Variants in ATP23 observed in about 807,000 individuals in gnomAD.
ATP23 encodes ATP23 metallopeptidase and ATP synthase assembly factor homolog, also known as mitochondrial inner membrane protease ATP23 homolog.
In ATP23, 24 loss-of-function variants were observed where a neutral mutation model predicts 28.5. The observed-to-expected ratio is 0.84, with a 90% CI of 0.61 to 1.18. The LOEUF (loss-of-function observed/expected upper bound fraction) is 1.18, where lower values mean the gene tolerates loss of function less well. Ranked by LOEUF, ATP23 falls within the 50% of genes most tolerant of loss-of-function variation. The pLI, the probability that ATP23 is intolerant of heterozygous loss-of-function variation, is 0.00. For missense variants in ATP23, 274 were observed against 306.4 expected (o/e 0.89, Z 0.79); for synonymous variants, 99 against 108.6 (o/e 0.91, Z 0.55).
intron 4 of ATP23, among the ~76,000 whole-genome samples, chr12:57,952,903 T>C (rs953030600): frequency 2.0e-5 from 3 of 152,208 alleles, no homozygotes; most frequent in Non-Finnish European, 2.9e-5. Context: ...CTGTAGAATC[T>C]ATGTGGGTAG....
chr12:57,955,807 T>C (rs1956861249), intron 5 of ATP23, among the ~76,000 whole-genome samples: 2 of 152,320 alleles, frequency 1.3e-5, no homozygotes, highest in African/African-American at 4.8e-5. Context: ...ATTCCAATGT[T>C]AGTGAATATC....
intron 5 of ATP23, among the ~76,000 whole-genome samples, chr12:57,955,250 A>G (rs1360998642): frequency 6.6e-6 from 1 of 151,176 alleles, no homozygotes; most frequent in Non-Finnish European, 1.5e-5. Flanking sequence ...TTAAAAAAAA[A>G]TCAGTTGATA....
At chr12:57,942,425 A>ATTT (rs35301187) in intron 1 of ATP23, among the ~76,000 whole-genome samples, 6 of 139,140 alleles carry the variant, frequency 4.3e-5, no homozygotes, top group South Asian at 2.3e-4. Flanking sequence ...CCCTAAGTGC[A>ATTT]TTTTTTTTTT....
At chr12:57,951,090 T>C (rs1372958506) in intron 3 of ATP23, among the ~76,000 whole-genome samples, 1 of 152,210 alleles carries the variant, frequency 6.6e-6, no homozygotes, top group Non-Finnish European at 1.5e-5. Flanking sequence ...TTTCTTATTC[T>C]TATAGGGTCC....
rs753088366 is a variant in ATP23 at position 57,941,737 on chromosome 12, C to A, written c.36C>A (p.Pro12=). ...AGAPDERRRG[P]AAGEQLQQQH... ...CTCCGGACGAGCGCCGGCGGGGCCCCGCGGCAGGGGAGCAGCTGCAGCAGC... is the reference window on the plus strand; with the variant it reads ...CTCCGGACGAGCGCCGGCGGGGCCCAGCGGCAGGGGAGCAGCTGCAGCAGC... The change falls in exon 1 of 6, where the codon CCC becomes CCA. Residue 12 remains proline, a synonymous_variant. Transcript: ENST00000300145. 2 of 1,597,946 alleles carry A rather than the reference C, an allele frequency of 1.3e-6. No individual in the cohort carries two copies. The highest frequency in any genetic ancestry group is 1.3e-5 in the African/African-American group (1 of 74,728).
At chr12:57,955,519 C>T (rs1416683284) in intron 5 of ATP23, among the ~76,000 whole-genome samples, 1 of 152,144 alleles carries the variant, frequency 6.6e-6, no homozygotes, top group Non-Finnish European at 1.5e-5. Context: ...ACAGCAAGTA[C>T]AGTTACTGAT....
At chr12:57,948,271 A>T (rs1043119604) in intron 3 of ATP23, among the ~76,000 whole-genome samples, 1 of 151,820 alleles carries the variant, frequency 6.6e-6, no homozygotes, top group Non-Finnish European at 1.5e-5. Flanking sequence ...CTTTTATTTT[A>T]TTATTATTTT....
rs1956703846 is a variant in ATP23, at chr12:57,941,707, G to T, written c.6G>T (p.Ala2=). The change falls in exon 1 of 6, where the codon GCG becomes GCT. Residue 2 remains alanine, a synonymous_variant. Coordinates refer to ENST00000300145, the MANE Select transcript of ATP23 (RefSeq NM_033276.4). The part of the protein sequence containing the change: M[A]GAPDERRRGP... ...CGGCGAGGTCTGCGGGAGGCATGGC[G>T]GGAGCTCCGGACGAGCGCCGGCGGG... The T allele has an allele frequency of 6.2e-7, 1 of 1,603,458 alleles. No homozygotes were observed. The highest frequency in any genetic ancestry group is 8.5e-7 in the Non-Finnish European group (1 of 1,176,016).
rs1956701745 is a variant in ATP23 at position 57,941,574 on chromosome 12, C to T, written c.-128C>T. 2.3e-6 allele frequency: 3 copies of T among 1,302,234 alleles called. No homozygotes were observed. The highest frequency in any genetic ancestry group is 3.1e-5 in the South Asian group (2 of 64,482). The allele number at this position is 1,302,234 out of a possible 1,614,324, so 80.7% of individuals were successfully genotyped here. ...CTCCCGCCTAACGTCTTCAGCCCAG[C>T]CAGGCTGCCCTTCTTCCCTGCGGAG... is the stretch of plus-strand genomic sequence containing the variant. On this transcript the variant is annotated 5_prime_UTR_variant, in exon 1 of 6. Transcript: ENST00000300145.
At chr12:57,942,528 G>A (rs962454233) in intron 1 of ATP23, among the ~76,000 whole-genome samples, 2 of 151,350 alleles carry the variant, frequency 1.3e-5, no homozygotes, top group Non-Finnish European at 2.9e-5. Flanking sequence ...GGTTCACGCC[G>A]TTCTCCTGCC....
At chr12:57,951,495 T>C (rs933524559) in intron 3 of ATP23, among the ~76,000 whole-genome samples, 1 of 152,140 alleles carries the variant, frequency 6.6e-6, no homozygotes, top group Non-Finnish European at 1.5e-5. Context: ...GGTGTGTGAA[T>C]ACGTGTCCTT....
At chr12:57,952,815 G>A (rs142893279) in intron 4 of ATP23, among the ~76,000 whole-genome samples, 3 of 152,276 alleles carry the variant, frequency 2.0e-5, no homozygotes, top group African/African-American at 4.8e-5. Context: ...TCAGAGGAAT[G>A]AGGCCATAAT....
In ATP23 at chr12:57,942,219, T is replaced by C. The variant is rs563477737; in HGVS notation, c.187+331T>C. ...GTAAGGGTGAGGCCAAGTTTTAAAG[T>C]GCCAGCCAGGTTAATTAAGGCACAC... is the stretch of plus-strand genomic sequence containing the variant. On this transcript the variant is annotated intron_variant, in intron 1 of 5. Transcript: ENST00000300145. Among the ~76,000 whole-genome samples, 14 of 152,310 alleles carry C rather than the reference T, an allele frequency of 9.2e-5. No homozygotes were observed. In the South Asian group the frequency reaches 2.7e-3, roughly 29 times the overall value.
chr12:57,957,449 A>G lies in ATP23; in HGVS notation c.*559A>G, dbSNP rs899430821. Among the ~76,000 whole-genome samples the G allele has an allele frequency of 6.6e-6, 1 of 152,134 alleles. No individual in the cohort carries two copies. The highest frequency in any genetic ancestry group is 1.5e-5 in the Non-Finnish European group (1 of 68,026). ...TCTTTTTAATAAAGGCAGTGCTCGA[A>G]TTTTAGCTCCAGATCGACTGCAAGA... On this transcript the variant is annotated 3_prime_UTR_variant, in exon 6 of 6. Transcript: ENST00000300145.
chr12:57,953,143 A>C (rs1332316303), intron 4 of ATP23, among the ~76,000 whole-genome samples: 3 of 152,214 alleles, frequency 2.0e-5, no homozygotes, highest in Non-Finnish European at 4.4e-5. Flanking sequence ...GCATATTCTC[A>C]AAGTGTCTCA....
intron 5 of ATP23, among the ~76,000 whole-genome samples, chr12:57,954,990 A>T (rs1279287707): frequency 6.6e-6 from 1 of 152,068 alleles, no homozygotes; most frequent in Admixed American, 6.5e-5. Context: ...CTTGTGCTGC[A>T]TGTTTTCTGT....
At chr12:57,954,103 G>A (rs779125045) in intron 5 of ATP23, among the ~76,000 whole-genome samples, 25 of 148,814 alleles carry the variant, frequency 1.7e-4, no homozygotes, top group Middle Eastern at 7.2e-3. Flanking sequence ...GCTGAGGCAG[G>A]AGAATCACTT....
At chr12:57,953,463 TAAG>T (rs1278200498) in intron 4 of ATP23, 140 bp from the exon 5 acceptor site, 10 of 670,876 alleles carry the variant, frequency 1.5e-5, no homozygotes, top group African/African-American at 1.3e-4. Flanking sequence ...AAAAGTCCTT[TAAG>T]AAGAAGTGTC....
chr12:57,949,076 A>G (rs1016622807), intron 3 of ATP23, among the ~76,000 whole-genome samples: 3 of 152,112 alleles, frequency 2.0e-5, no homozygotes, highest in Admixed American at 1.3e-4. Flanking sequence ...TCTAATATTG[A>G]TTGTTTCCAA....
Sources: gnomAD v4.1 joint callset for allele counts (sites outside exome capture counted in the v4.1 genomes callset) on GRCh38, gnomAD v4.1.1 for gene constraint, MANE v1.5 for transcripts, NCBI Gene and HGNC (gene_info 2026-07-23, HGNC 2026-07-21) for gene names.